CASP5: variants seen among roughly 807,000 people sequenced by gnomAD.
CASP5 encodes the protein caspase 5, also known as caspase-5.
CASP5 carries 42 observed loss-of-function variants against 45.2 expected under a neutral mutation model. That is an observed-to-expected ratio of 0.93 (90% CI 0.73 to 1.20). The LOEUF (loss-of-function observed/expected upper bound fraction) is 1.20, where lower values mean the gene tolerates loss of function less well. Among genes scored for constraint, CASP5 ranks in the 50% most tolerant of loss-of-function variants. The pLI is 0.00. For missense variants in CASP5, 512 were observed against 532.2 expected (o/e 0.96, Z 0.37); for synonymous variants, 209 against 186.2 (o/e 1.12, Z -1.00).
Position 105,002,092 on chromosome 11 carries a change from C to T in CASP5, c.653G>A (p.Gly218Glu), listed in dbSNP as rs1257336093. ...CAGGCCTTGAAGCAGCCTTTTCATC[C>T]CCACGATGTCATAGTGAGCCCCATT... is the stretch of plus-strand genomic sequence containing the variant. ...ARNGAHYDIV[G>E]MKRLLQGLGY... The change falls in exon 5 of 10, where the codon GGG (glycine) becomes GAG (glutamate). Residue 218 changes from glycine (G) to glutamate (E), a missense_variant. Transcript: ENST00000260315. 1.2e-6 allele frequency: 2 copies of T among 1,614,100 alleles called. No individual in the cohort carries two copies. The highest frequency in any genetic ancestry group is 1.1e-5 in the South Asian group (1 of 91,084).
At chr11:105,022,016 T>C (rs1210600319) in intron 1 of CASP5, among the ~76,000 whole-genome samples, 1 of 151,294 alleles carries the variant, frequency 6.6e-6, no homozygotes, top group Non-Finnish European at 1.5e-5. Flanking sequence ...TGTAGGGACA[T>C]GGATGAAATT....
At chr11:105,011,994 T>G (rs541712176) in intron 1 of CASP5, among the ~76,000 whole-genome samples, 1 of 151,580 alleles carries the variant, frequency 6.6e-6, no homozygotes, top group South Asian at 2.1e-4. Context: ...CATCCTTGAG[T>G]AAAGAACAAA....
In CASP5 at chr11:105,010,480, CATTATACT is replaced by C. The variant is rs1565389132; in HGVS notation, c.8-1508_8-1501del. Among the ~76,000 whole-genome samples the C allele has an allele frequency of 1.1e-3, 139 of 124,590 alleles. 3 individuals are homozygous for C. The South Asian group carries it at 0.033, about 30-fold the overall frequency. 81.7% of individuals were successfully genotyped at this position (124,590 alleles called of 152,430 possible). A position where few individuals can be genotyped will look rare whatever the true frequency, so the allele number is the denominator to read the frequency against. ...ACTGATATAATAAATCAGTAATTAT[CATTATACT>C]GATATAATAAATCAGTAATTATCAT... On this transcript the variant is annotated intron_variant, in intron 1 of 9. Coordinates refer to ENST00000260315, the MANE Select transcript of CASP5 (RefSeq NM_004347.5).
Position 105,005,362 on chromosome 11 carries a change from G to A in CASP5, c.433+1721C>T, listed in dbSNP as rs968867908. 9.6e-5 allele frequency among the ~76,000 whole-genome samples: 11 copies of A among 114,354 alleles called. No homozygotes were observed. In the South Asian group the frequency reaches 2.1e-3, roughly 22 times the overall value. The allele number at this position is 114,354 out of a possible 152,430, so 75.0% of individuals were successfully genotyped here. A position where few individuals can be genotyped will look rare whatever the true frequency, so the allele number is the denominator to read the frequency against. ...ATATAGTGTGTATATATATATGTGT[G>A]TGTGTGTGTGTGTGTGTGTGTGTGT... On this transcript the variant is annotated intron_variant, in intron 3 of 9. Transcript: ENST00000260315.
intron 3 of CASP5, among the ~76,000 whole-genome samples, chr11:105,005,098 C>T (rs905192081): frequency 6.6e-6 from 1 of 152,054 alleles, no homozygotes; most frequent in African/African-American, 2.4e-5. Flanking sequence ...AAGAGAGTTT[C>T]TATTAGCCTG....
Position 104,995,856 on chromosome 11 carries a change from C to T in CASP5, c.1207-14G>A, listed in dbSNP as rs377647933. 2 of 1,545,682 alleles carry T rather than the reference C, an allele frequency of 1.3e-6. No homozygotes were observed. The highest frequency in any genetic ancestry group is 1.4e-5 in the African/African-American group (1 of 73,508). On this transcript the variant is annotated splice_polypyrimidine_tract_variant and intron_variant, in intron 8 of 9. Coordinates refer to ENST00000260315, the MANE Select transcript of CASP5 (RefSeq NM_004347.5). The stretch of plus-strand genomic sequence containing the variant: ...TGATTTCTGTACCTAAAAGAAAAAA[C>T]AGTAGATGAGATATGAGGGATTTTG...
chr11:105,012,748 T>TA lies in CASP5; in HGVS notation c.8-3769dup, dbSNP rs35831463. ...GTTAGAATGATTAGAATGGGTATTA[T>TA]AAAAAAAAAAGATAACAAGTGTTGG... On this transcript the variant is annotated intron_variant, in intron 1 of 9. Transcript: ENST00000260315. Among the ~76,000 whole-genome samples the TA allele has an allele frequency of 9.4e-3, 1,400 of 149,142 alleles. 13 individuals carry two copies. Among genetic ancestry groups the TA allele is most frequent in the African/African-American group, 0.03 (1,222 of 40,464 alleles).
rs370634557 is a variant in CASP5, at chr11:105,018,167, G to A, written c.7+4963C>T. Among the ~76,000 whole-genome samples the A allele has an allele frequency of 4.3e-3, 655 of 151,942 alleles. 2 individuals carry two copies. Among genetic ancestry groups the A allele is most frequent in the Middle Eastern group, 0.017 (5 of 294 alleles). On this transcript the variant is annotated intron_variant, in intron 1 of 9. Transcript: ENST00000260315. The stretch of plus-strand genomic sequence containing the variant: ...AGCTCCTGAAGGAAGCACTCAACAT[G>A]GAAAGGAACAACCGGTACCAGCCGC...
rs200413107 is a variant in CASP5, at chr11:105,023,166, A to C, written c.-30T>G. 6.0e-5 allele frequency: 93 copies of C among 1,550,114 alleles called. No individual in the cohort carries two copies. Among genetic ancestry groups the C allele is most frequent in the Non-Finnish European group, 7.8e-5 (89 of 1,145,636 alleles). ...AACAGCCTCTGTCTCTTTGTACAGC[A>C]CTGGAAAGTGCCTCAGACTCAGAGA... On this transcript the variant is annotated 5_prime_UTR_variant, in exon 1 of 10. Transcript: ENST00000260315.
At chr11:104,997,303 A>G (rs1861508693) in intron 8 of CASP5, 80 bp downstream of exon 8, 3 of 1,053,606 alleles carry the variant, frequency 2.8e-6, no homozygotes, top group African/African-American at 1.6e-5. Flanking sequence ...AAACTGTGTC[A>G]TTTTTATTCG....
intron 1 of CASP5, among the ~76,000 whole-genome samples, chr11:105,009,859 A>T (rs1047656315): frequency 1.4e-5 from 2 of 139,982 alleles, no homozygotes; most frequent in South Asian, 2.2e-4. Flanking sequence ...ATACACATAT[A>T]TATACATATA....
At chr11:105,016,842 C>T (rs545690656) in intron 1 of CASP5, among the ~76,000 whole-genome samples, 71 of 151,618 alleles carry the variant, frequency 4.7e-4, no homozygotes, top group African/African-American at 1.7e-3. Flanking sequence ...TAGGCTCCAC[C>T]TCTGGGGGCA....
chr11:105,004,633 A>G (rs1167137533), intron 3 of CASP5, among the ~76,000 whole-genome samples: 1 of 152,108 alleles, frequency 6.6e-6, no homozygotes, highest in Non-Finnish European at 1.5e-5. Flanking sequence ...TAAATATTTC[A>G]TGTATTTTTT....
intron 1 of CASP5, among the ~76,000 whole-genome samples, chr11:105,010,619 A>G (rs1036149959): frequency 4.9e-4 from 74 of 151,466 alleles, no homozygotes; most frequent in African/African-American, 1.8e-3. Flanking sequence ...AACCAGTAGA[A>G]TATTTATTAT....
At chr11:105,016,822 C>T (rs1486542941) in intron 1 of CASP5, among the ~76,000 whole-genome samples, 84 of 152,082 alleles carry the variant, frequency 5.5e-4, no homozygotes, top group African/African-American at 2.0e-3. Flanking sequence ...AGGAGGCCTG[C>T]CTGCCTCTGT....
intron 1 of CASP5, among the ~76,000 whole-genome samples, chr11:105,016,601 C>T (rs551955457): frequency 1.3e-3 from 199 of 150,896 alleles, no homozygotes; most frequent in Non-Finnish European, 2.4e-3. Flanking sequence ...CTTTTCCAAC[C>T]GGCTTAAAAA....
intron 1 of CASP5, among the ~76,000 whole-genome samples, chr11:105,019,102 A>G (rs961149446): frequency 2.0e-5 from 3 of 150,324 alleles, no homozygotes; most frequent in African/African-American, 4.9e-5. Flanking sequence ...GTTCTTTGAA[A>G]CCAACGAGAA....
At chr11:105,011,065 G>A (rs1862324327) in intron 1 of CASP5, among the ~76,000 whole-genome samples, 1 of 151,692 alleles carries the variant, frequency 6.6e-6, no homozygotes, top group South Asian at 2.1e-4. Flanking sequence ...GAAAATTCCA[G>A]GAGGAGAGTT....
intron 1 of CASP5, among the ~76,000 whole-genome samples, chr11:105,022,681 C>T (rs778085683): frequency 6.6e-6 from 1 of 151,994 alleles, no homozygotes; most frequent in Non-Finnish European, 1.5e-5. Flanking sequence ...TTTAAACAGA[C>T]CAATAAGATA....
Sources: gnomAD v4.1 joint callset for allele counts (sites outside exome capture counted in the v4.1 genomes callset) on GRCh38, gnomAD v4.1.1 for gene constraint, MANE v1.5 for transcripts, NCBI Gene and HGNC (gene_info 2026-07-23, HGNC 2026-07-21) for gene names.